The following FBXW8 variants were observed in gnomAD, a reference collection of about 807,000 sequenced individuals.
FBXW8 encodes the protein F-box/WD repeat-containing protein 8.
FBXW8 carries 57 observed loss-of-function variants against 65.3 expected under a neutral mutation model. The ratio of observed to expected loss-of-function variants is 0.87; its 90% CI spans 0.71 to 1.09. The LOEUF (loss-of-function observed/expected upper bound fraction) is 1.09, where lower values mean the gene tolerates loss of function less well. FBXW8 is among the 50% of genes least tolerant of loss of function. The pLI, the probability that FBXW8 is intolerant of heterozygous loss-of-function variation, is 0.00. For missense variants in FBXW8, 777 were observed against 814.8 expected (o/e 0.95, Z 0.57); for synonymous variants, 308 against 330.2 (o/e 0.93, Z 0.73).
chr12:116,968,545 T>A (rs1329008448), intron 5 of FBXW8, among the ~76,000 whole-genome samples: 1 of 152,186 alleles, frequency 6.6e-6, no homozygotes, highest in African/African-American at 2.4e-5. Flanking sequence ...GACAGTTGTG[T>A]TGTGTTTGCC....
chr12:116,979,054 A>G (rs1214210984), intron 5 of FBXW8: 9 of 152,234 alleles, frequency 5.9e-5, no homozygotes, highest in African/African-American at 2.2e-4. Flanking sequence ...CATCCCTAAT[A>G]AAACAAAAAT....
At chr12:116,942,823 G>T (rs1882694280) in intron 2 of FBXW8, among the ~76,000 whole-genome samples, 1 of 128,262 alleles carries the variant, frequency 7.8e-6, no homozygotes, top group Non-Finnish European at 1.6e-5. Flanking sequence ...TGTTGCCCAG[G>T]CCAGAGTGCA....
At chr12:116,972,409 T>C (rs1039888273) in intron 5 of FBXW8, among the ~76,000 whole-genome samples, 1 of 152,272 alleles carries the variant, frequency 6.6e-6, no homozygotes, top group African/African-American at 2.4e-5. Context: ...TATTTCATTC[T>C]GAACCCTAGG....
intron 2 of FBXW8, among the ~76,000 whole-genome samples, chr12:116,942,187 T>C (rs1212825661): frequency 6.6e-6 from 1 of 150,798 alleles, no homozygotes; most frequent in Non-Finnish European, 1.5e-5. Flanking sequence ...CACCATCACA[T>C]CTGGCTAATT....
intron 1 of FBXW8, among the ~76,000 whole-genome samples, chr12:116,926,869 A>G (rs1421318327): frequency 6.6e-6 from 1 of 152,110 alleles, no homozygotes; most frequent in Non-Finnish European, 1.5e-5. Flanking sequence ...ACTTCATTCC[A>G]GAAAAATCTT....
intron 7 of FBXW8, among the ~76,000 whole-genome samples, chr12:117,006,315 G>A (rs1953673197): frequency 6.6e-6 from 1 of 152,198 alleles, no homozygotes; most frequent in Admixed American, 6.5e-5. Flanking sequence ...GATTAATTAT[G>A]AGGGTGATAG....
intron 9 of FBXW8, among the ~76,000 whole-genome samples, chr12:117,026,163 C>T (rs994183812): frequency 3.3e-5 from 5 of 152,266 alleles, no homozygotes; most frequent in African/African-American, 7.2e-5. Context: ...CAGGTCCTCG[C>T]CTGCCTGACA....
intron 1 of FBXW8, among the ~76,000 whole-genome samples, chr12:116,923,063 A>G (rs565489768): frequency 1.2e-4 from 19 of 152,100 alleles, no homozygotes; most frequent in African/African-American, 4.6e-4. Flanking sequence ...AAAATTAGCT[A>G]GATGTGGTGA....
chr12:116,996,377 C>T (rs1953373969), intron 7 of FBXW8, among the ~76,000 whole-genome samples: 1 of 152,074 alleles, frequency 6.6e-6, no homozygotes, highest in African/African-American at 2.4e-5. Flanking sequence ...ACACTCATCA[C>T]GAGTTGAAAT....
At chr12:117,025,092 T>A (rs1442287730) in intron 9 of FBXW8, among the ~76,000 whole-genome samples, 1 of 152,062 alleles carries the variant, frequency 6.6e-6, no homozygotes, top group East Asian at 1.9e-4. Context: ...TGCCACCACC[T>A]CTACCTGGCC....
At chr12:117,002,632 C>T (rs913612105) in intron 7 of FBXW8, 4 of 152,216 alleles carry the variant, frequency 2.6e-5, no homozygotes, top group African/African-American at 4.8e-5. Context: ...TATGACTTAT[C>T]TCTGGCAAGG....
At chr12:116,999,885 T>C (rs1225564294) in intron 7 of FBXW8, among the ~76,000 whole-genome samples, 1 of 151,998 alleles carries the variant, frequency 6.6e-6, no homozygotes, top group Non-Finnish European at 1.5e-5. Flanking sequence ...TGAAAAACAG[T>C]CCTACTTAAC....
intron 4 of FBXW8, among the ~76,000 whole-genome samples, chr12:116,963,420 A>G (rs1884111236): frequency 6.6e-6 from 1 of 152,046 alleles, no homozygotes; most frequent in Non-Finnish European, 1.5e-5. Context: ...CAGCTGGGGG[A>G]AAACCCCATC....
At chr12:116,923,616 C>T (rs575800379) in intron 1 of FBXW8, among the ~76,000 whole-genome samples, 70 of 151,952 alleles carry the variant, frequency 4.6e-4, no homozygotes, top group Non-Finnish European at 8.4e-4. Flanking sequence ...CTCTGCCTGC[C>T]GGGTTCACGC....
At position 116,992,587 on chromosome 12, in the gene FBXW8, C is replaced by T. The variant is rs1953270202; in HGVS notation, c.1239+3718C>T. Among the ~76,000 whole-genome samples the T allele has an allele frequency of 2.6e-5, 4 of 152,038 alleles. No individual in the cohort carries two copies. The South Asian group carries it at 8.3e-4, about 32-fold the overall frequency. ...ACCCTTCTGAGTCTCTAGGGTCCTC[C>T]AATACCACTCTGTGCCTCTGCATAC... On this transcript the variant is annotated intron_variant, in intron 7 of 10. Coordinates refer to ENST00000652555, the MANE Select transcript of FBXW8 (RefSeq NM_153348.3).
chr12:117,008,042 A>G (rs1953720699), intron 7 of FBXW8, among the ~76,000 whole-genome samples: 1 of 152,224 alleles, frequency 6.6e-6, no homozygotes, highest in Admixed American at 6.5e-5. Context: ...TTTATGATGA[A>G]TTTGCAGAGA....
At chr12:116,940,661 A>G (rs1393364079) in intron 2 of FBXW8, among the ~76,000 whole-genome samples, 2 of 152,132 alleles carry the variant, frequency 1.3e-5, no homozygotes, top group Non-Finnish European at 2.9e-5. Flanking sequence ...TGGCGAGTTC[A>G]CAGGTGTTTG....
chr12:117,015,126 CTATTGGAG>C (rs1392578591), intron 8 of FBXW8, among the ~76,000 whole-genome samples: 2 of 152,136 alleles, frequency 1.3e-5, no homozygotes, highest in Non-Finnish European at 2.9e-5. Context: ...GATGGAGTTT[CTATTGGAG>C]TTCTAGCTTC....
chr12:116,981,803 G>A (rs1194614661), intron 5 of FBXW8, among the ~76,000 whole-genome samples: 2 of 151,996 alleles, frequency 1.3e-5, no homozygotes, highest in Admixed American at 6.6e-5. Flanking sequence ...TACTAGAGAC[G>A]GGGTTTCACT....
Sources: gnomAD v4.1 joint callset for allele counts (sites outside exome capture counted in the v4.1 genomes callset) on GRCh38, gnomAD v4.1.1 for gene constraint, MANE v1.5 for transcripts, NCBI Gene and HGNC (gene_info 2026-07-23, HGNC 2026-07-21) for gene names.